The following DRC11L variants were observed in gnomAD, a reference collection of about 807,000 sequenced individuals.
DRC11L encodes dynein regulatory complex subunit 11 like.
the DRC11L span, chr7:151,200,534 G>T: frequency 5.0e-6 from 2 of 399,054 alleles, no homozygotes; most frequent in Non-Finnish European, 8.8e-6. Flanking sequence ...TCTCAGAGAG[G>T]GTCCGAGAGG....
the DRC11L span, among the ~76,000 whole-genome samples, chr7:151,201,123 C>T: frequency 1.6e-4 from 25 of 152,330 alleles, no homozygotes; most frequent in East Asian, 2.3e-3. This position sits in a 1 kb window ranked among gnomAD's most constrained non-coding sequence, Gnocchi z 4.1. Flanking sequence ...AGGGTGGGGA[C>T]GCTGGGCAGA....
the DRC11L span, among the ~76,000 whole-genome samples, chr7:151,195,094 A>G: frequency 6.6e-6 from 1 of 152,174 alleles, no homozygotes; most frequent in African/African-American, 2.4e-5. Flanking sequence ...TGGGAAGTCC[A>G]GGGGGAAATG....
the DRC11L span, among the ~76,000 whole-genome samples, chr7:151,202,657 G>T: frequency 1.3e-5 from 2 of 152,154 alleles, no homozygotes; most frequent in Non-Finnish European, 2.9e-5. Context: ...ATCAAGAGCA[G>T]CCTGGCCAAC....
At chr7:151,197,178 A>G in the DRC11L span, 3 of 398,658 alleles carry the variant, frequency 7.5e-6, no homozygotes. Context: ...CCTGTCCCTC[A>G]CACCATGCAT....
chr7:151,203,472 G>C, the DRC11L span: 1 of 399,092 alleles, frequency 2.5e-6, no homozygotes. Context: ...GTGGTGGACT[G>C]CTCCAGCAGG....
the DRC11L span, chr7:151,203,086 C>T: frequency 6.3e-4 from 253 of 399,290 alleles, 2 homozygotes; most frequent in East Asian, 8.9e-3. Context: ...CCGGTGCATT[C>T]CTGTAAAGCT....
the DRC11L span, among the ~76,000 whole-genome samples, chr7:151,194,792 A>G: frequency 6.6e-6 from 1 of 152,182 alleles, no homozygotes; most frequent in Admixed American, 6.5e-5. Flanking sequence ...GCACCAAATC[A>G]CTGTCCCAGG....
At chr7:151,192,757 TG>T in the DRC11L span, 6 of 399,090 alleles carry the variant, frequency 1.5e-5, no homozygotes, top group Non-Finnish European at 2.2e-5. Flanking sequence ...TTGTCTTCTT[TG>T]GGGGTCTTCT....
the DRC11L span, among the ~76,000 whole-genome samples, chr7:151,202,387 T>A: frequency 6.6e-6 from 1 of 152,230 alleles, no homozygotes; most frequent in Non-Finnish European, 1.5e-5. Context: ...TGATCATCTA[T>A]TCTGTTCTAT....
the DRC11L span, chr7:151,192,020 G>A: frequency 2.5e-6 from 1 of 398,082 alleles, no homozygotes; most frequent in Non-Finnish European, 4.4e-6. Context: ...CCCTTCCCCA[G>A]GGAAGGTACT....
At chr7:151,196,885 T>C in the DRC11L span, 10,187 of 398,988 alleles carry the variant, frequency 0.026, 182 homozygotes, top group Non-Finnish European at 0.036. Flanking sequence ...TGCCACTTCA[T>C]GGTCCGTGTG....
the DRC11L span, chr7:151,193,427 C>A: frequency 5.0e-6 from 2 of 399,316 alleles, no homozygotes; most frequent in Non-Finnish European, 8.8e-6. Context: ...CTTCCCCATG[C>A]CAGAGGGGCC....
the DRC11L span, among the ~76,000 whole-genome samples, chr7:151,194,043 C>T: frequency 6.6e-5 from 10 of 151,868 alleles, no homozygotes; most frequent in African/African-American, 1.2e-4. Flanking sequence ...GGGCTGGCAG[C>T]GTGGGCTCTT....
At chr7:151,197,677 T>C in the DRC11L span, 1 of 391,338 alleles carries the variant, frequency 2.6e-6, no homozygotes, top group Non-Finnish European at 4.5e-6. Context: ...CTCTTCCCCA[T>C]GCCGTCTTTC....
the DRC11L span, chr7:151,197,931 CAG>C: frequency 2.5e-6 from 1 of 398,490 alleles, no homozygotes; most frequent in South Asian, 1.3e-4. Flanking sequence ...GATGATTGGA[CAG>C]AAAGATGAAT....
chr7:151,194,545 C>G, the DRC11L span: 1 of 399,444 alleles, frequency 2.5e-6, no homozygotes, highest in East Asian at 3.6e-5. Flanking sequence ...TACTGACTCA[C>G]TCTTCCTTAG....
chr7:151,193,595 G>A, the DRC11L span: 3 of 398,496 alleles, frequency 7.5e-6, no homozygotes, highest in African/African-American at 6.2e-5. Context: ...GCTGGGGGAG[G>A]AGGTGCAGAT....
chr7:151,194,465 C>A, the DRC11L span: 1 of 398,956 alleles, frequency 2.5e-6, no homozygotes, highest in African/African-American at 2.1e-5. Flanking sequence ...GGTAGGGGAG[C>A]CTTGGCACCT....
chr7:151,197,412 C>T, the DRC11L span: 32 of 398,694 alleles, frequency 8.0e-5, no homozygotes, highest in Admixed American at 4.8e-4. Context: ...AGAGAGCTGG[C>T]GATCTCTCAG....
Sources: gnomAD v4.1 joint callset for allele counts (sites outside exome capture counted in the v4.1 genomes callset) on GRCh38, gnomAD v4.1.1 for gene constraint, Gnocchi (gnomAD v3.1) non-coding constraint, MANE v1.5 for transcripts, NCBI Gene and HGNC (gene_info 2026-07-23, HGNC 2026-07-21) for gene names.